Variants in IMMT observed in about 807,000 individuals in gnomAD.
IMMT encodes inner membrane mitochondrial protein, also known as MICOS complex subunit MIC60.
A neutral mutation model predicts 92.7 loss-of-function variants in IMMT; 40 were observed. That is an observed-to-expected ratio of 0.43 (90% confidence interval 0.34 to 0.56). The LOEUF is 0.56. Among genes scored for constraint, IMMT ranks in the 20% least tolerant of loss-of-function variants. The pLI, the probability that IMMT is intolerant of heterozygous loss-of-function variation, is 0.03. For missense variants in IMMT, 831 were observed against 912.1 expected (o/e 0.91, Z 1.14); for synonymous variants, 322 against 336.1 (o/e 0.96, Z 0.46).
intron 1 of IMMT, among the ~76,000 whole-genome samples, chr2:86,186,757 A>G (rs1178365215): frequency 6.6e-6 from 1 of 152,246 alleles, no homozygotes; most frequent in African/African-American, 2.4e-5. Flanking sequence ...AAAATTTTCC[A>G]GAACTGAGTA....
In IMMT at chr2:86,164,689, C is replaced by CAAAAAA. The variant is rs56964046; in HGVS notation, c.792+1813_792+1818dup. The stretch of plus-strand genomic sequence containing the variant: ...CTGGTGACAGAGCAAGACTCTGTCT[C>CAAAAAA]AAAAAAAAAAAAAAAGGAATGGATG... On this transcript the variant is annotated intron_variant, in intron 7 of 14. Coordinates refer to ENST00000410111, the MANE Select transcript of IMMT (RefSeq NM_006839.3). Among the ~76,000 whole-genome samples the CAAAAAA allele has an allele frequency of 1.7e-3, 184 of 111,420 alleles. 36 individuals carry two copies. Among genetic ancestry groups the CAAAAAA allele is most frequent in the Middle Eastern group, 5.1e-3 (1 of 196 alleles). The allele number at this position is 111,420 out of a possible 152,430, so 73.1% of individuals were successfully genotyped here.
intron 10 of IMMT, 27 bp from the exon 11 acceptor site, chr2:86,153,601 G>GA (rs761151920): frequency 1.3e-4 from 179 of 1,391,694 alleles, no homozygotes; most frequent in Admixed American, 1.6e-4. Flanking sequence ...AGAACAGTTT[G>GA]AAAAAAAAGA....
At chr2:86,171,073 T>A (rs981911830) in intron 5 of IMMT, 135 bp downstream of exon 5, 13 of 855,446 alleles carry the variant, frequency 1.5e-5, no homozygotes, top group Non-Finnish European at 2.3e-5. Context: ...ATTTAAATTT[T>A]AAAAATTTCC....
Position 86,146,193 on chromosome 2 carries a change from A to C in IMMT, c.1538T>G (p.Leu513Arg). ...QELKSEFEQN[L>R]SEKLSEQELQ... Reference sequence around the variant, plus strand: ...TTCTTGTTCAGAGAGTTTCTCAGACAGGTTCTGAAATAAAACAGAAATAGT... The same window carrying C: ...TTCTTGTTCAGAGAGTTTCTCAGACCGGTTCTGAAATAAAACAGAAATAGT... The change falls in exon 14 of 15, where the codon CTG (leucine) becomes CGG (arginine). Residue 513 changes from leucine to arginine, a missense_variant. Leu to Arg is a moderately radical substitution (Grantham distance 102). Coordinates refer to ENST00000410111, the MANE Select transcript of IMMT (RefSeq NM_006839.3). 6.2e-7 allele frequency: 1 copy of C among 1,603,788 alleles called. No individual in the cohort carries two copies. Among genetic ancestry groups the C allele is most frequent in the Non-Finnish European group, 8.5e-7 (1 of 1,172,918 alleles).
intron 12 of IMMT, among the ~76,000 whole-genome samples, chr2:86,150,576 T>A (rs894262632): frequency 6.6e-6 from 1 of 152,206 alleles, no homozygotes; most frequent in African/African-American, 2.4e-5. Context: ...ATTTAATAAA[T>A]GGTGTGCCCA....
At chr2:86,195,209 T>A in intron 1 of IMMT, 129 bp downstream of exon 1, 1 of 1,002,658 alleles carries the variant, frequency 1.0e-6, no homozygotes, top group Non-Finnish European at 1.4e-6. Flanking sequence ...CGCCCGGGCC[T>A]CTCCCGACGA....
chr2:86,164,052 ATTTT>A (rs540613367), intron 7 of IMMT, among the ~76,000 whole-genome samples: 1 of 63,026 alleles, frequency 1.6e-5, no homozygotes, highest in African/African-American at 5.6e-5. Context: ...CACTTTAGTC[ATTTT>A]TTTTTTTTTT....
Position 86,151,485 on chromosome 2 carries a change from T to A in IMMT, c.1213A>T (p.Ile405Phe), listed in dbSNP as rs538458262. ...TCAATACGACGATGTGCATGAGCAATGAGGGAGTTCAGATCATCAGTAGAG... is the reference window on the plus strand; with the variant it reads ...TCAATACGACGATGTGCATGAGCAAAGAGGGAGTTCAGATCATCAGTAGAG... ...KLSTDDLNSLIAHAHRRIDQL... is the reference protein window; with the variant it reads ...KLSTDDLNSLFAHAHRRIDQL... Residue 405 changes from isoleucine to phenylalanine, a missense_variant, in exon 12 of 15, where the codon ATT becomes TTT. Transcript: ENST00000410111. 2 of 1,614,030 alleles carry A rather than the reference T, an allele frequency of 1.2e-6. No individual in the cohort carries two copies. Among genetic ancestry groups the A allele is most frequent in the Admixed American group, 3.3e-5 (2 of 60,016 alleles).
At chr2:86,151,248 C>G in intron 12 of IMMT, 49 bp downstream of exon 12, 1 of 1,436,342 alleles carries the variant, frequency 7.0e-7, no homozygotes, top group Non-Finnish European at 9.7e-7. Context: ...AGTAAACAAT[C>G]AAGTTAGAGT....
chr2:86,176,218 G>GT (rs1330112433), intron 3 of IMMT, among the ~76,000 whole-genome samples: 1 of 152,146 alleles, frequency 6.6e-6, no homozygotes, highest in African/African-American at 2.4e-5. Context: ...TTATTCAGAA[G>GT]GTAAGAAAGA....
At chr2:86,153,447 C>T (rs1327624492) in intron 11 of IMMT, 113 bp downstream of exon 11, 9 of 557,420 alleles carry the variant, frequency 1.6e-5, no homozygotes, top group South Asian at 1.1e-4. Flanking sequence ...CATAATTCTA[C>T]TTTATATCTA....
intron 13 of IMMT, among the ~76,000 whole-genome samples, chr2:86,146,702 A>G (rs1675043866): frequency 6.6e-6 from 1 of 152,142 alleles, no homozygotes; most frequent in Non-Finnish European, 1.5e-5. Context: ...ATGGAACCTA[A>G]TATTAGAGGA....
intron 14 of IMMT, among the ~76,000 whole-genome samples, 155 bp downstream of exon 14, chr2:86,145,913 G>A (rs1168573596): frequency 6.6e-6 from 1 of 152,144 alleles, no homozygotes; most frequent in Non-Finnish European, 1.5e-5. Context: ...TATAGATTTT[G>A]CCATTACTTT....
chr2:86,161,532 G>A (rs1269105355), intron 8 of IMMT, among the ~76,000 whole-genome samples: 1 of 40,798 alleles, frequency 2.5e-5, no homozygotes, highest in East Asian at 7.6e-4. Context: ...TTTTTTTTTT[G>A]AGACAGCGTC....
intron 3 of IMMT, among the ~76,000 whole-genome samples, chr2:86,177,657 C>G (rs1398521296): frequency 6.6e-6 from 1 of 151,922 alleles, no homozygotes; most frequent in Admixed American, 6.6e-5. Context: ...GGAATACACA[C>G]AAAGTTACAG....
At chr2:86,146,657 C>T (rs1233194756) in intron 13 of IMMT, among the ~76,000 whole-genome samples, 1 of 151,620 alleles carries the variant, frequency 6.6e-6, no homozygotes, top group Non-Finnish European at 1.5e-5. Flanking sequence ...GCCACCGTGC[C>T]CGGCCGATGT....
chr2:86,181,214 C>G, intron 2 of IMMT, 85 bp downstream of exon 2: 1 of 987,356 alleles, frequency 1.0e-6, no homozygotes, highest in East Asian at 2.4e-5. Context: ...AAGGTTTAGA[C>G]AGCTATTCCC....
intron 12 of IMMT, among the ~76,000 whole-genome samples, chr2:86,148,866 C>G (rs1675247887): frequency 1.6e-5 from 2 of 125,602 alleles, no homozygotes; most frequent in South Asian, 5.0e-4. Flanking sequence ...TCCATTCAGT[C>G]AGTGCATAAG....
intron 2 of IMMT, among the ~76,000 whole-genome samples, chr2:86,180,652 C>G (rs1017353885): frequency 6.1e-4 from 92 of 151,416 alleles, no homozygotes; most frequent in African/African-American, 2.1e-3. Context: ...TTCGAGAGGC[C>G]GAGGCGGATG....
Sources: gnomAD v4.1 joint callset for allele counts (sites outside exome capture counted in the v4.1 genomes callset) on GRCh38, gnomAD v4.1.1 for gene constraint, MANE v1.5 for transcripts, NCBI Gene and HGNC (gene_info 2026-07-23, HGNC 2026-07-21) for gene names.